KIAA1958: variants seen among roughly 807,000 people sequenced by gnomAD.
KIAA1958 encodes KIAA1958, also known as uncharacterized protein KIAA1958.
Under a neutral mutation model 47.2 loss-of-function variants are expected in KIAA1958, and 14 were observed. The observed-to-expected ratio is 0.30, with a 90% confidence interval of 0.20 to 0.46. The LOEUF is 0.46. Among genes scored for constraint, KIAA1958 ranks in the 20% least tolerant of loss-of-function variants. KIAA1958 has a pLI of 1.00. For missense variants in KIAA1958, 803 were observed against 909.2 expected (o/e 0.88, Z 1.50); for synonymous variants, 354 against 353.3 (o/e 1.00, Z -0.02).
At chr9:112,626,298 T>G (rs1020742598) in intron 2 of KIAA1958, among the ~76,000 whole-genome samples, 2 of 152,204 alleles carry the variant, frequency 1.3e-5, no homozygotes, top group African/African-American at 4.8e-5. Context: ...CAAATTTTTA[T>G]TTTACAAATC....
chr9:112,581,250 T>C (rs1457026314), intron 2 of KIAA1958, among the ~76,000 whole-genome samples: 1 of 152,180 alleles, frequency 6.6e-6, no homozygotes, highest in African/African-American at 2.4e-5. Context: ...TGCAAAAATA[T>C]AGGTAAAGCA....
At chr9:112,598,436 A>G (rs1040144702) in intron 2 of KIAA1958, among the ~76,000 whole-genome samples, 2 of 152,216 alleles carry the variant, frequency 1.3e-5, no homozygotes, top group African/African-American at 4.8e-5. Context: ...TGACATGGAC[A>G]AACTGGGAAT....
chr9:112,561,853 TCAAACAAA>T (rs377530006), intron 1 of KIAA1958, among the ~76,000 whole-genome samples: 1 of 152,096 alleles, frequency 6.6e-6, no homozygotes, highest in Non-Finnish European at 1.5e-5. Context: ...ACACTCTGTC[TCAAACAAA>T]CAAACAAACA....
intron 1 of KIAA1958, among the ~76,000 whole-genome samples, chr9:112,500,348 G>A (rs1236992805): frequency 1.3e-5 from 2 of 152,184 alleles, no homozygotes; most frequent in Admixed American, 6.5e-5. Context: ...TGATCTGCCC[G>A]CCTTGGCCTC....
chr9:112,597,002 G>T (rs2131196217), intron 2 of KIAA1958, among the ~76,000 whole-genome samples: 1 of 88,670 alleles, frequency 1.1e-5, no homozygotes, highest in East Asian at 2.9e-4. Context: ...TTGTGGTATA[G>T]TAACAGTATT....
At chr9:112,588,220 A>G (rs534822901) in intron 2 of KIAA1958, among the ~76,000 whole-genome samples, 13 of 152,334 alleles carry the variant, frequency 8.5e-5, no homozygotes, top group African/African-American at 2.6e-4. Context: ...AACACCTTTT[A>G]TGTCACTTTC....
rs60211721 is a variant in KIAA1958 at position 112,545,825 on chromosome 9, G to GTGTTTTTTTTTTTT, written c.-24-28231_-24-28230insGTTTTTTTTTTTTT. On this transcript the variant is annotated intron_variant, in intron 1 of 3. Coordinates refer to ENST00000337530, the MANE Select transcript of KIAA1958 (RefSeq NM_133465.4). ...TCTTTAGTGATACACAGGTTTCTTTGTTTTTTTTTTTTTTTTTTTTTAGTG... is the reference window on the plus strand; with the variant it reads ...TCTTTAGTGATACACAGGTTTCTTTGTGTTTTTTTTTTTTTTTTTTTTTTTTTTTTTTTTTAGTG... 2.7e-3 allele frequency among the ~76,000 whole-genome samples: 250 copies of GTGTTTTTTTTTTTT among 92,206 alleles called. 12 individuals are homozygous for GTGTTTTTTTTTTTT. The highest frequency in any genetic ancestry group is 3.2e-3 in the Non-Finnish European group (152 of 47,434). 60.5% of individuals were successfully genotyped at this position (92,206 alleles called of 152,430 possible). A position where few individuals can be genotyped will look rare whatever the true frequency, so the allele number is the denominator to read the frequency against.
rs879339905 is a variant in KIAA1958 at position 112,506,704 on chromosome 9, C to CT, written c.-25+19598dup. On this transcript the variant is annotated intron_variant, in intron 1 of 3. Transcript: ENST00000337530. ...AAGTTTTTGCTTGCTCAAGCTACTG[C>CT]TTTTTTTTTTTTCTTGTAAACACAG... 7.4e-3 allele frequency among the ~76,000 whole-genome samples: 1,066 copies of CT among 144,748 alleles called. 28 individuals are homozygous for CT. The highest frequency in any genetic ancestry group is 5.0e-3 in the African/African-American group (199 of 39,778). 95.0% of individuals were successfully genotyped at this position (144,748 alleles called of 152,430 possible).
At position 112,618,674 on chromosome 9, in the gene KIAA1958, CT is replaced by C; in HGVS notation, c.1172-26974del. The C allele has an allele frequency of 6.4e-7, 1 of 1,550,702 alleles. No individual in the cohort carries two copies. Among genetic ancestry groups the C allele is most frequent in the South Asian group, 1.2e-5 (1 of 84,060 alleles). ...TCTGCATTGGTACAACTGCCAGGCC[CT>C]TGGCAAGAACAAGCTGGCCAAGATG... On this transcript the variant is annotated intron_variant, in intron 2 of 3. Coordinates refer to ENST00000337530, the MANE Select transcript of KIAA1958 (RefSeq NM_133465.4). The surrounding 1 kb of genome is among the most constrained non-coding windows in gnomAD (Gnocchi z 7.1).
intron 2 of KIAA1958, among the ~76,000 whole-genome samples, chr9:112,597,967 A>G: frequency 6.6e-6 from 1 of 152,218 alleles, no homozygotes; most frequent in East Asian, 1.9e-4. Context: ...GGTTCCTTGC[A>G]TTCTAGTCTG....
chr9:112,657,905 G>C (rs1306673819), intron 3 of KIAA1958, among the ~76,000 whole-genome samples: 2 of 150,450 alleles, frequency 1.3e-5, no homozygotes, highest in East Asian at 3.9e-4. Context: ...CACCCAGGCT[G>C]GAGTGCAGTG....
chr9:112,569,225 C>T (rs1334638547), intron 1 of KIAA1958, among the ~76,000 whole-genome samples: 3 of 152,128 alleles, frequency 2.0e-5, no homozygotes, highest in Admixed American at 6.5e-5. Flanking sequence ...TAAATTTCCC[C>T]GTTTTCTGTG....
At chr9:112,515,227 C>T (rs1834399774) in intron 1 of KIAA1958, among the ~76,000 whole-genome samples, 1 of 105,836 alleles carries the variant, frequency 9.4e-6, no homozygotes, top group African/African-American at 3.4e-5. Flanking sequence ...GTCAGCCCCC[C>T]ACCCGGCCAG....
Position 112,598,950 on chromosome 9 carries a change from C to T in KIAA1958, c.1171+23699C>T, listed in dbSNP as rs75979779. On this transcript the variant is annotated intron_variant, in intron 2 of 3. Coordinates refer to ENST00000337530, the MANE Select transcript of KIAA1958 (RefSeq NM_133465.4). ...TTCAAAAATTCGCTGGGTGCAGTAGCGTGTGCCTGTAGTTCCAGCTATTGG... is the reference window on the plus strand; with the variant it reads ...TTCAAAAATTCGCTGGGTGCAGTAGTGTGTGCCTGTAGTTCCAGCTATTGG... 4.9e-3 allele frequency among the ~76,000 whole-genome samples: 752 copies of T among 152,112 alleles called. 9 individuals are homozygous for T. Among genetic ancestry groups the T allele is most frequent in the African/African-American group, 0.017 (713 of 41,482 alleles).
chr9:112,522,897 T>A (rs1433506445), intron 1 of KIAA1958, among the ~76,000 whole-genome samples: 1 of 152,158 alleles, frequency 6.6e-6, no homozygotes, highest in African/African-American at 2.4e-5. Flanking sequence ...CATCTACCTC[T>A]TGGGTTACAG....
intron 1 of KIAA1958, among the ~76,000 whole-genome samples, chr9:112,490,264 T>G (rs1833946268): frequency 6.6e-6 from 1 of 152,242 alleles, no homozygotes; most frequent in Non-Finnish European, 1.5e-5. Flanking sequence ...AACAGTTTAT[T>G]TTCTGACAGT....
In KIAA1958 at chr9:112,662,331, T is replaced by G. The variant is rs1044125190; in HGVS notation, c.*2262T>G. ...GACATGCCACCTTGGGAAACAAGAG[T>G]GAGGAAGAAAACACAGTCATCAAGT... On this transcript the variant is annotated 3_prime_UTR_variant, in exon 4 of 4. Coordinates refer to ENST00000337530, the MANE Select transcript of KIAA1958 (RefSeq NM_133465.4). The G allele has an allele frequency of 6.6e-6, 1 of 151,808 alleles. No individual in the cohort carries two copies. The highest frequency in any genetic ancestry group is 2.1e-4 in the South Asian group (1 of 4,782). 9.4% of individuals were successfully genotyped at this position (151,808 alleles called of 1,614,324 possible).
At chr9:112,654,685 TA>T (rs1464192780) in intron 3 of KIAA1958, among the ~76,000 whole-genome samples, 1 of 93,266 alleles carries the variant, frequency 1.1e-5, no homozygotes, top group Non-Finnish European at 2.1e-5. Context: ...AGTGACAACA[TA>T]AAAATCCAAA....
Position 112,659,586 on chromosome 9 carries a change from G to A in KIAA1958, c.1668G>A (p.Leu556=). Residue 556 remains leucine, a synonymous_variant, in exon 4 of 4, where the codon CTG becomes CTA. Coordinates refer to ENST00000337530, the MANE Select transcript of KIAA1958 (RefSeq NM_133465.4). ...GGGATGACAGCCCTATCACTCTCCT[G>A]TCCACTGTGGTCAAGTACAACAGCC... ...CLGDDSPITL[L]STVVKYNSQY... is the part of the protein sequence containing the mutation. 8.1e-6 allele frequency: 13 copies of A among 1,613,478 alleles called. No homozygotes were observed. The highest frequency in any genetic ancestry group is 1.1e-5 in the Non-Finnish European group (13 of 1,179,748).
Sources: allele counts gnomAD v4.1 joint callset (sites outside exome capture counted in the v4.1 genomes callset), GRCh38; gene constraint gnomAD v4.1.1; non-coding constraint Gnocchi (gnomAD v3.1); transcripts MANE v1.5; gene names NCBI Gene and HGNC (gene_info 2026-07-23, HGNC 2026-07-21).